The following DEFB119 variants were observed in gnomAD, a reference collection of about 807,000 sequenced individuals.
The protein encoded by DEFB119 is beta-defensin 119.
A neutral mutation model predicts 2.5 loss-of-function variants in DEFB119; 3 were observed. The observed-to-expected ratio is 1.19, with a 90% CI of 0.54 to 3.07. The LOEUF (loss-of-function observed/expected upper bound fraction) is 3.07, where lower values mean the gene tolerates loss of function less well. Ranked by LOEUF, DEFB119 falls within the 30% of genes most tolerant of loss-of-function variation. DEFB119 has a pLI of 0.03. For missense variants in DEFB119, 113 were observed against 101.1 expected (o/e 1.12, Z -0.50); for synonymous variants, 29 against 33.7 (o/e 0.86, Z 0.48).
At chr20:31,384,049 G>A (rs1456912426) in intron 1 of DEFB119, among the ~76,000 whole-genome samples, 1 of 151,978 alleles carries the variant, frequency 6.6e-6, no homozygotes, top group Non-Finnish European at 1.5e-5. Context: ...CCAGTCTTGG[G>A]TATTTCTTCA....
intron 1 of DEFB119, among the ~76,000 whole-genome samples, chr20:31,380,728 G>T (rs1986476152): frequency 6.6e-6 from 1 of 151,382 alleles, no homozygotes; most frequent in Non-Finnish European, 1.5e-5. Flanking sequence ...AAAATCAGTT[G>T]GCTGTACTTC....
chr20:31,380,909 T>G (rs1395546280), intron 1 of DEFB119, among the ~76,000 whole-genome samples: 1 of 152,228 alleles, frequency 6.6e-6, no homozygotes, highest in African/African-American at 2.4e-5. Flanking sequence ...TTCTTATTCT[T>G]TTGCAGATTT....
chr20:31,388,949 G>T, intron 1 of DEFB119: 20 of 1,532,960 alleles, frequency 1.3e-5, no homozygotes, highest in South Asian at 3.6e-5. Context: ...CATTCCTTAT[G>T]ATTGACAGAC....
rs1274200064 is a variant in DEFB119, at chr20:31,390,281, T to G, written c.61+142A>C. On this transcript the variant is annotated intron_variant, in intron 1 of 1. Coordinates refer to ENST00000376321, the MANE Select transcript of DEFB119 (RefSeq NM_153289.4). ...GGCAAAAAAGAATCAGAGAGAGATA[T>G]TAACTTGAGATGATCCTGGGCAAAC... 8 of 795,918 alleles carry G rather than the reference T, an allele frequency of 1.0e-5. No individual in the cohort carries two copies. In the Admixed American group the frequency reaches 1.6e-4, roughly 16 times the overall value. 49.3% of individuals were successfully genotyped at this position (795,918 alleles called of 1,614,324 possible).
chr20:31,387,432 A>T (rs1229398315), intron 1 of DEFB119, among the ~76,000 whole-genome samples: 1 of 152,190 alleles, frequency 6.6e-6, no homozygotes, highest in African/African-American at 2.4e-5. Flanking sequence ...TGTTTTAATC[A>T]AGCTAATAAA....
At chr20:31,389,523 C>G (rs1217666242) in intron 1 of DEFB119, among the ~76,000 whole-genome samples, 1 of 152,046 alleles carries the variant, frequency 6.6e-6, no homozygotes, top group African/African-American at 2.4e-5. Context: ...TCAACTGAAG[C>G]TAATTAATGT....
chr20:31,388,361 T>C, intron 1 of DEFB119: 3 of 953,684 alleles, frequency 3.1e-6, no homozygotes, highest in Non-Finnish European at 3.7e-6. Flanking sequence ...ACTGCAATCC[T>C]GAAATAGATT....
At chr20:31,377,492 T>A in intron 1 of DEFB119, 53 bp from the exon 2 acceptor site, 1 of 1,552,000 alleles carries the variant, frequency 6.4e-7, no homozygotes, top group East Asian at 2.3e-5. Context: ...GTGACATAAA[T>A]CTGATAAGTC....
intron 1 of DEFB119, among the ~76,000 whole-genome samples, chr20:31,386,186 A>G (rs989350828): frequency 6.6e-6 from 1 of 152,182 alleles, no homozygotes; most frequent in African/African-American, 2.4e-5. Flanking sequence ...GGAGAATGAC[A>G]TAGAGAAGTT....
In DEFB119 at chr20:31,377,425, G is replaced by C; in HGVS notation, c.76C>G (p.Leu26Val). 6.2e-7 allele frequency: 1 copy of C among 1,611,230 alleles called. No individual in the cohort carries two copies. Among genetic ancestry groups the C allele is most frequent in the South Asian group, 1.1e-5 (1 of 90,474 alleles). Residue 26 changes from leucine (L) to valine (V), a missense_variant, in exon 2 of 2, where the codon CTT becomes GTT. Physicochemically the swap from Leu to Val is conservative, Grantham distance 32. Transcript: ENST00000376321. ...EPVISGKRHI[L>V]RCMGNSGICR... is the part of the protein sequence containing the mutation. ...ATTCCACTGTTACCCATGCATCGAA[G>C]GATGTGGCGTTTGCCTGCCAAAGGA... is the stretch of plus-strand genomic sequence containing the variant.
chr20:31,381,611 G>A (rs772884868), intron 1 of DEFB119, among the ~76,000 whole-genome samples: 2 of 152,168 alleles, frequency 1.3e-5, no homozygotes, highest in African/African-American at 2.4e-5. Flanking sequence ...TCAGGAGTTC[G>A]AGACCAGCCT....
chr20:31,379,459 T>C (rs1330047270), intron 1 of DEFB119, among the ~76,000 whole-genome samples: 1 of 152,042 alleles, frequency 6.6e-6, no homozygotes, highest in Non-Finnish European at 1.5e-5. Flanking sequence ...TCTTTTCATA[T>C]CTTTTGTCCA....
At position 31,390,389 on chromosome 20, in the gene DEFB119, A is replaced by G. The variant is rs1386392972; in HGVS notation, c.61+34T>C. ...AGGGAAAGACGGGAAGCCCATGACC[A>G]GGAACCCAGACCCCCGAGAGAGGTT... On this transcript the variant is annotated intron_variant, in intron 1 of 1. Coordinates refer to ENST00000376321, the MANE Select transcript of DEFB119 (RefSeq NM_153289.4). 3 of 1,596,942 alleles carry G rather than the reference A, an allele frequency of 1.9e-6. No individual in the cohort carries two copies. The African/African-American group carries it at 4.1e-5, about 22-fold the overall frequency.
At chr20:31,386,703 CA>C (rs1263241479) in intron 1 of DEFB119, among the ~76,000 whole-genome samples, 1 of 150,890 alleles carries the variant, frequency 6.6e-6, no homozygotes, top group Non-Finnish European at 1.5e-5. Flanking sequence ...TAAACGGATA[CA>C]AAATCACAGC....
chr20:31,383,463 G>A (rs974684161), intron 1 of DEFB119, among the ~76,000 whole-genome samples: 2 of 148,214 alleles, frequency 1.3e-5, no homozygotes, highest in Non-Finnish European at 3.0e-5. Flanking sequence ...AGAATCGCTT[G>A]AGCCTGGCTA....
At chr20:31,386,317 T>G (rs1006363087) in intron 1 of DEFB119, among the ~76,000 whole-genome samples, 6 of 152,194 alleles carry the variant, frequency 3.9e-5, no homozygotes, top group South Asian at 2.1e-4. Flanking sequence ...GTAGCTCTCA[T>G]GGGCAGCCTA....
At chr20:31,386,946 T>C (rs1164492695) in intron 1 of DEFB119, among the ~76,000 whole-genome samples, 1 of 151,524 alleles carries the variant, frequency 6.6e-6, no homozygotes, top group African/African-American at 2.4e-5. Flanking sequence ...CCCAAGTAGC[T>C]GGGATTACAG....
At chr20:31,380,558 G>A (rs1049543027) in intron 1 of DEFB119, among the ~76,000 whole-genome samples, 5 of 152,026 alleles carry the variant, frequency 3.3e-5, no homozygotes, top group Non-Finnish European at 4.4e-5. Flanking sequence ...GAGCCACCAC[G>A]CCTGGCGGTT....
intron 1 of DEFB119, among the ~76,000 whole-genome samples, chr20:31,384,595 G>C (rs1427522469): frequency 6.6e-6 from 1 of 152,112 alleles, no homozygotes; most frequent in Non-Finnish European, 1.5e-5. Flanking sequence ...TGAGAGGTGA[G>C]TCACAACCAC....
Sources: allele counts gnomAD v4.1 joint callset (sites outside exome capture counted in the v4.1 genomes callset), GRCh38; gene constraint gnomAD v4.1.1; transcripts MANE v1.5; gene names NCBI Gene and HGNC (gene_info 2026-07-23, HGNC 2026-07-21).